Variants in TNS1 observed in about 807,000 individuals in gnomAD.
TNS1 encodes tensin-1.
TNS1 carries 62 observed loss-of-function variants against 168.6 expected under a neutral mutation model. That is an observed-to-expected ratio of 0.37 (90% CI 0.30 to 0.45). The LOEUF is 0.45. Among genes scored for constraint, TNS1 ranks in the 20% least tolerant of loss-of-function variants. The probability of loss-of-function intolerance (pLI) is 1.00; values close to 1 mark genes in which losing one functional copy is unlikely to be tolerated. For missense variants in TNS1, 2,240 were observed against 2,339.4 expected, an observed-to-expected ratio of 0.96 and a Z score of 0.88; for synonymous variants, 934 against 933.2, an observed-to-expected ratio of 1.00 and a Z score of -0.02.
intron 7 of TNS1, among the ~76,000 whole-genome samples, chr2:217,899,562 G>A (rs1007146192): frequency 6.6e-6 from 1 of 152,132 alleles, no homozygotes; most frequent in Non-Finnish European, 1.5e-5. Flanking sequence ...AGAAAAACTC[G>A]CAAGACAAGC....
At chr2:217,962,124 G>A (rs1014304066) in intron 3 of TNS1, among the ~76,000 whole-genome samples, 2 of 152,192 alleles carry the variant, frequency 1.3e-5, no homozygotes, top group Non-Finnish European at 2.9e-5. Flanking sequence ...GGAGAACCCT[G>A]ATGAATAAAA....
chr2:218,023,668 G>A (rs770321373), intron 1 of TNS1, among the ~76,000 whole-genome samples: 1 of 152,208 alleles, frequency 6.6e-6, no homozygotes, highest in Non-Finnish European at 1.5e-5. Context: ...ACCCTGTGAG[G>A]TAGGTGTTAT....
chr2:217,891,075 G>T (rs1951696185), intron 11 of TNS1, 30 bp from the exon 12 acceptor site: 1 of 1,611,304 alleles, frequency 6.2e-7, no homozygotes, highest in Non-Finnish European at 8.5e-7. Context: ...GTCAAAAGAG[G>T]CAACTCCTGC....
chr2:217,867,094 G>A (rs186659509), intron 18 of TNS1, among the ~76,000 whole-genome samples: 1 of 152,318 alleles, frequency 6.6e-6, no homozygotes, highest in African/African-American at 2.4e-5. Context: ...AGGAACAAGA[G>A]AACTCAGGTC....
At chr2:217,909,841 C>T (rs1954158408) in intron 4 of TNS1, among the ~76,000 whole-genome samples, 1 of 152,220 alleles carries the variant, frequency 6.6e-6, no homozygotes, top group South Asian at 2.1e-4. Context: ...CGGCTGCTAC[C>T]TAACTATGCA....
intron 11 of TNS1, 46 bp downstream of exon 11, chr2:217,892,891 AGGAGGGGGGTC>A (rs1454146357): frequency 6.4e-7 from 1 of 1,568,978 alleles, no homozygotes; most frequent in African/African-American, 1.4e-5. Context: ...GGTGGATGAG[AGGAGGGGGGTC>A]ACACTGTCGA....
intron 3 of TNS1, among the ~76,000 whole-genome samples, chr2:217,947,479 G>A (rs1033886851): frequency 2.0e-5 from 3 of 152,074 alleles, no homozygotes; most frequent in African/African-American, 7.2e-5. Flanking sequence ...GAGAGAATGG[G>A]ACAAAGAGGG....
At chr2:217,866,439 G>A (rs1190098083) in intron 18 of TNS1, among the ~76,000 whole-genome samples, 1 of 152,124 alleles carries the variant, frequency 6.6e-6, no homozygotes, top group East Asian at 1.9e-4. Flanking sequence ...GGTGGCTTCA[G>A]GCTCCAAACT....
At chr2:217,931,980 G>T (rs1472297818) in intron 3 of TNS1, among the ~76,000 whole-genome samples, 1 of 152,086 alleles carries the variant, frequency 6.6e-6, no homozygotes, top group Non-Finnish European at 1.5e-5. Context: ...CCAAAATGAG[G>T]AACAGGGTGG....
chr2:217,980,068 G>A (rs1263078044), intron 2 of TNS1, among the ~76,000 whole-genome samples: 2 of 152,130 alleles, frequency 1.3e-5, no homozygotes, highest in Non-Finnish European at 2.9e-5. Flanking sequence ...TGGGGAAGGG[G>A]GAGAAGCTGG....
intron 3 of TNS1, among the ~76,000 whole-genome samples, chr2:217,933,061 T>C (rs1329587516): frequency 2.0e-5 from 3 of 152,128 alleles, no homozygotes; most frequent in Admixed American, 6.5e-5. Context: ...CCCTCTCATT[T>C]CCAATTATCA....
intron 9 of TNS1, 73 bp from the exon 10 acceptor site, chr2:217,893,634 C>T (rs562696593): frequency 8.0e-5 from 122 of 1,525,778 alleles, no homozygotes; most frequent in East Asian, 2.3e-4. Flanking sequence ...GAGCCACCTA[C>T]GCCACGTGCC....
At chr2:217,934,515 C>T (rs1042461629) in intron 3 of TNS1, among the ~76,000 whole-genome samples, 3 of 152,190 alleles carry the variant, frequency 2.0e-5, no homozygotes, top group African/African-American at 7.2e-5. Context: ...CCCCCATCCC[C>T]AGCACATCAC....
chr2:218,020,935 A>G (rs1958801964), intron 1 of TNS1, among the ~76,000 whole-genome samples: 2 of 152,244 alleles, frequency 1.3e-5, no homozygotes, highest in South Asian at 4.1e-4. Flanking sequence ...AAGCTGCAAG[A>G]TAAGCAACCA....
chr2:217,992,128 A>T (rs1958383535), intron 1 of TNS1, among the ~76,000 whole-genome samples: 1 of 151,836 alleles, frequency 6.6e-6, no homozygotes, highest in African/African-American at 2.4e-5. Flanking sequence ...ACTGCGGGGC[A>T]GGGGGGCCTA....
chr2:217,870,730 A>T (rs1243415559), intron 18 of TNS1, among the ~76,000 whole-genome samples: 1 of 152,146 alleles, frequency 6.6e-6, no homozygotes, highest in Non-Finnish European at 1.5e-5. Flanking sequence ...AGGCACATTC[A>T]CTCGGGAGGG....
intron 30 of TNS1, among the ~76,000 whole-genome samples, chr2:217,809,316 CATGGATGGATGG>C (rs1559140067): frequency 3.4e-3 from 80 of 23,210 alleles, no homozygotes; most frequent in South Asian, 3.9e-3. Context: ...TGGATGGATG[CATGGATGGATGG>C]ATGGATGGAT....
intron 1 of TNS1, among the ~76,000 whole-genome samples, chr2:218,008,598 G>A (rs1198220026): frequency 6.6e-6 from 1 of 152,224 alleles, no homozygotes; most frequent in African/African-American, 2.4e-5. Flanking sequence ...TGAGGACAAT[G>A]CATTTTGCTG....
At chr2:217,810,356 G>A (rs866485555) in intron 28 of TNS1, 37 bp from the exon 29 acceptor site, 1 of 1,607,066 alleles carries the variant, frequency 6.2e-7, no homozygotes, top group Non-Finnish European at 8.5e-7. Flanking sequence ...AAACCCTAGA[G>A]CTGGAAAGAA....
Sources: gnomAD v4.1 joint callset for allele counts (sites outside exome capture counted in the v4.1 genomes callset) on GRCh38, gnomAD v4.1.1 for gene constraint, MANE v1.5 for transcripts, NCBI Gene and HGNC (gene_info 2026-07-23, HGNC 2026-07-21) for gene names.